LENG8: variants seen among roughly 807,000 people sequenced by gnomAD.
The protein encoded by LENG8 is leukocyte receptor cluster member 8.
Under a neutral mutation model 102.1 loss-of-function variants are expected in LENG8, and 28 were observed. That is an observed-to-expected ratio of 0.27 (90% CI 0.20 to 0.38). The LOEUF is 0.38. Among genes scored for constraint, LENG8 ranks in the 10% least tolerant of loss-of-function variants. The pLI is 1.00. For missense variants in LENG8, 1,022 were observed against 1,113.9 expected, an observed-to-expected ratio of 0.92 and a Z score of 1.17; for synonymous variants, 531 against 456.7, an observed-to-expected ratio of 1.16 and a Z score of -2.07.
At chr19:54,455,316 T>C in intron 7 of LENG8, 48 bp from the exon 8 acceptor site, 1 of 1,600,490 alleles carries the variant, frequency 6.2e-7, no homozygotes, top group Admixed American at 1.7e-5. Context: ...GATGGTCTTT[T>C]GAGTTTGGGA....
rs754082246 is a variant in LENG8 at position 54,457,931 on chromosome 19, C to T, written c.1834-3C>T. ...GACTCTTGTTCTCGCCCCGCTGCCC[C>T]AGGTGCAGGGCATCCGCACCGAGTT... On this transcript the variant is annotated splice_polypyrimidine_tract_variant and splice_region_variant and intron_variant, in intron 12 of 15. Transcript: ENST00000326764. 2 of 1,613,924 alleles carry T rather than the reference C, an allele frequency of 1.2e-6. No individual in the cohort carries two copies. The highest frequency in any genetic ancestry group is 1.7e-6 in the Non-Finnish European group (2 of 1,180,002).
chr19:54,459,903 G>T (rs1445019121), intron 15 of LENG8: 1 of 1,172,272 alleles, frequency 8.5e-7, no homozygotes, highest in African/African-American at 1.6e-5. Flanking sequence ...TGGCTCTCAA[G>T]CTTCTGTGCT....
intron 8 of LENG8, 97 bp from the exon 9 acceptor site, chr19:54,455,870 C>G: frequency 3.7e-6 from 5 of 1,355,544 alleles, no homozygotes; most frequent in Non-Finnish European, 5.0e-6. Flanking sequence ...AAGTGCCTTT[C>G]CTTTCGGAGG....
At position 54,461,165 on chromosome 19, in the gene LENG8, T is replaced by C; in HGVS notation, c.*237T>C. The C allele has an allele frequency of 1.4e-6, 1 of 702,678 alleles. No individual in the cohort carries two copies. Among genetic ancestry groups the C allele is most frequent in the Non-Finnish European group, 2.6e-6 (1 of 389,884 alleles). The allele number at this position is 702,678 out of a possible 1,614,324, so 43.5% of individuals were successfully genotyped here. ...GGAGGAGGGGATGGGCAGCGGAGGG[T>C]TGGGGGCATGGTCTGCAGGCTCATC... is the stretch of plus-strand genomic sequence containing the variant. On this transcript the variant is annotated 3_prime_UTR_variant, in exon 16 of 16. Transcript: ENST00000326764.
chr19:54,452,403 G>T, intron 3 of LENG8, 136 bp downstream of exon 3: 1 of 875,916 alleles, frequency 1.1e-6, no homozygotes. Flanking sequence ...ATCTAAATCT[G>T]AACGGGAAAA....
At chr19:54,452,016 T>C (rs2083983882) in intron 2 of LENG8, 77 bp from the exon 3 acceptor site, 5 of 1,396,780 alleles carry the variant, frequency 3.6e-6, no homozygotes, top group Non-Finnish European at 3.0e-6. Flanking sequence ...ATCCAGGGGC[T>C]GGAATTTGCC....
Position 54,456,164 on chromosome 19 carries a change from TGAA to T in LENG8, c.1225_1227del (p.Lys409del). ...AAGTTTGGCAACCGCAACGTCTTCA[TGAA>T]GGACAACAGCTCTTCTTCCAGCACA... On this transcript the variant is annotated inframe_deletion, in exon 9 of 16. Transcript: ENST00000326764. The T allele has an allele frequency of 6.2e-7, 1 of 1,611,332 alleles. No individual in the cohort carries two copies. The highest frequency in any genetic ancestry group is 8.5e-7 in the Non-Finnish European group (1 of 1,178,194).
chr19:54,458,880 C>T (rs1221291310), intron 15 of LENG8: 4 of 1,548,722 alleles, frequency 2.6e-6, no homozygotes, highest in Admixed American at 2.0e-5. Flanking sequence ...TCTGCTTTCT[C>T]AGCTTGTCGC....
At chr19:54,459,708 A>T in intron 15 of LENG8, 1 of 1,028,318 alleles carries the variant, frequency 9.7e-7, no homozygotes, top group Non-Finnish European at 1.2e-6. Context: ...AGGTTTGGAG[A>T]CTCATTCTGG....
chr19:54,458,973 C>T (rs1242806811), intron 15 of LENG8: 7 of 1,467,604 alleles, frequency 4.8e-6, no homozygotes, highest in Middle Eastern at 3.5e-4. Context: ...TTTGAGAGCA[C>T]CAGAAACGCT....
chr19:54,460,614 A>AGGTGGGGAGGCTGGGAGGCG (rs1213197048), intron 15 of LENG8, 152 bp from the exon 16 acceptor site: 2 of 1,415,662 alleles, frequency 1.4e-6, no homozygotes, highest in Non-Finnish European at 1.8e-6. Context: ...CGAGCCCCTG[A>AGGTGGGGAGGCTGGGAGGCG]GGTGGGGAGG....
Position 54,460,885 on chromosome 19 carries a change from G to T in LENG8, c.2360G>T (p.Ser787Ile), listed in dbSNP as rs1569310526. The T allele has an allele frequency of 6.4e-7, 1 of 1,556,672 alleles. No homozygotes were observed. Among genetic ancestry groups the T allele is most frequent in the Non-Finnish European group, 8.7e-7 (1 of 1,152,068 alleles). Reference protein sequence around the residue: ...GLAYTGPDNSSIDCRLSLAQL... With the variant: ...GLAYTGPDNSIIDCRLSLAQL... The stretch of plus-strand genomic sequence containing the variant: ...GCCTACACGGGCCCGGACAACTCCA[G>T]CATCGACTGCCGCCTCAGCCTGGCG... Residue 787 changes from serine (S) to isoleucine (I), a missense_variant, in exon 16 of 16, where the codon AGC becomes ATC. Physicochemically the swap from Ser to Ile is moderately radical, Grantham distance 142 (BLOSUM62 -2). Transcript: ENST00000326764.
chr19:54,454,252 G>A (rs1265270116), intron 5 of LENG8, among the ~76,000 whole-genome samples, 178 bp from the exon 6 acceptor site: 1 of 152,210 alleles, frequency 6.6e-6, no homozygotes, highest in Non-Finnish European at 1.5e-5. Context: ...GAAAAGGGCT[G>A]TTAACAAATG....
At position 54,456,929 on chromosome 19, in the gene LENG8, C is replaced by A. The variant is rs533328094; in HGVS notation, c.1731+8C>A. The A allele has an allele frequency of 5.6e-6, 9 of 1,600,420 alleles. No individual in the cohort carries two copies. The highest frequency in any genetic ancestry group is 6.8e-6 in the Non-Finnish European group (8 of 1,177,044). Reference sequence around the variant, plus strand: ...ACCGTGCGCCCTGTGGCAGTAAGTGCCCAGCAGGGCAGTTCTGCTCTGTGA... The same window carrying A: ...ACCGTGCGCCCTGTGGCAGTAAGTGACCAGCAGGGCAGTTCTGCTCTGTGA... On this transcript the variant is annotated splice_region_variant and intron_variant, in intron 11 of 15. Coordinates refer to ENST00000326764, the MANE Select transcript of LENG8 (RefSeq NM_052925.4).
rs2084115089 is a variant in LENG8, at chr19:54,454,474, C to T, written c.471C>T (p.Pro157=). 1 of 1,613,542 alleles carries T rather than the reference C, an allele frequency of 6.2e-7. No individual in the cohort carries two copies. The highest frequency in any genetic ancestry group is 1.1e-5 in the South Asian group (1 of 91,026). The change falls in exon 6 of 16, where the codon CCC becomes CCT. Residue 157 remains proline, a synonymous_variant. Coordinates refer to ENST00000326764, the MANE Select transcript of LENG8 (RefSeq NM_052925.4). ...ATGAGAGCATGTCCTACCAGGCTCC[C>T]CCTCAGCAGCTGCCGTCGGCTCAGC... ...GMDESMSYQA[P]PQQLPSAQPP...
intron 3 of LENG8, 125 bp from the exon 4 acceptor site, chr19:54,452,526 T>A: frequency 1.2e-6 from 1 of 817,606 alleles, no homozygotes; most frequent in Non-Finnish European, 2.1e-6. Context: ...AGTGGCTCAC[T>A]TTGCAGATAC....
chr19:54,458,717 TC>T (rs1450949685), intron 15 of LENG8, 196 bp downstream of exon 15: 3 of 1,551,364 alleles, frequency 1.9e-6, no homozygotes, highest in Non-Finnish European at 2.6e-6. Flanking sequence ...ACCTCTGTGT[TC>T]CGGGTCACTC....
rs948683295 is a variant in LENG8, at chr19:54,454,530, C to G, written c.527C>G (p.Ala176Gly). 3 of 1,613,736 alleles carry G rather than the reference C, an allele frequency of 1.9e-6. No homozygotes were observed. Among genetic ancestry groups the G allele is most frequent in the Non-Finnish European group, 1.7e-6 (2 of 1,179,952 alleles). ...CAGCCCTCAAATCCCCCACATGGGG[C>G]TCACACGCTGAACAGTGGCCCTCAG... is the stretch of plus-strand genomic sequence containing the variant. ...PPQPSNPPHGAHTLNSGPQPG... is the reference protein window; with the variant it reads ...PPQPSNPPHGGHTLNSGPQPG... Residue 176 changes from alanine (A) to glycine (G), a missense_variant, in exon 6 of 16, where the codon GCT becomes GGT. Physicochemically the swap from Ala to Gly is moderately conservative, Grantham distance 60. Coordinates refer to ENST00000326764, the MANE Select transcript of LENG8 (RefSeq NM_052925.4).
At chr19:54,450,034 A>G (rs901433197) in intron 1 of LENG8, among the ~76,000 whole-genome samples, 4 of 152,020 alleles carry the variant, frequency 2.6e-5, no homozygotes, top group Non-Finnish European at 5.9e-5. Context: ...TATCCTACTT[A>G]TCAGTTACTC....
Sources: allele counts gnomAD v4.1 joint callset (sites outside exome capture counted in the v4.1 genomes callset), GRCh38; gene constraint gnomAD v4.1.1; transcripts MANE v1.5; gene names NCBI Gene and HGNC (gene_info 2026-07-23, HGNC 2026-07-21).